Variants in DLG2 observed in about 807,000 individuals in gnomAD.
DLG2 encodes discs large MAGUK scaffold protein 2.
Under a neutral mutation model 132.5 loss-of-function variants are expected in DLG2, and 45 were observed. The observed-to-expected ratio is 0.34, with a 90% confidence interval of 0.27 to 0.44. The LOEUF (loss-of-function observed/expected upper bound fraction) is 0.44. Among genes scored for constraint, DLG2 ranks in the 20% least tolerant of loss-of-function variants. The pLI, the probability that DLG2 is intolerant of heterozygous loss-of-function variation, is 1.00. For synonymous variants in DLG2, 424 were observed against 419.6 expected, an observed-to-expected ratio of 1.01 and a Z score of -0.13; for missense variants, 1,045 against 1,196.9, an observed-to-expected ratio of 0.87 and a Z score of 1.87.
chr11:84,551,298 A>C (rs2099401330), intron 6 of DLG2, among the ~76,000 whole-genome samples: 1 of 152,220 alleles, frequency 6.6e-6, no homozygotes. Context: ...GAAATAATAA[A>C]AGCATATTTA....
At chr11:83,721,202 A>G (rs1322285195) in intron 18 of DLG2, among the ~76,000 whole-genome samples, 3 of 152,162 alleles carry the variant, frequency 2.0e-5, no homozygotes, top group African/African-American at 4.8e-5. Context: ...ACACTATAAG[A>G]CTGCAAACCA....
intron 4 of DLG2, among the ~76,000 whole-genome samples, chr11:85,253,008 G>GA (rs2076475246): frequency 6.6e-6 from 1 of 152,108 alleles, no homozygotes; most frequent in South Asian, 2.1e-4. Context: ...TAAAATCCCT[G>GA]AAAAATAGTC....
chr11:84,447,125 T>C (rs915732236), intron 7 of DLG2, among the ~76,000 whole-genome samples: 12 of 152,208 alleles, frequency 7.9e-5, no homozygotes, highest in Non-Finnish European at 1.8e-4. Flanking sequence ...CATATTATAA[T>C]AGTTAATTAG....
At chr11:84,871,859 G>A (rs2085517626) in intron 6 of DLG2, among the ~76,000 whole-genome samples, 1 of 152,052 alleles carries the variant, frequency 6.6e-6, no homozygotes, top group Non-Finnish European at 1.5e-5. Flanking sequence ...ATTTTTAGTA[G>A]AGACGGGGTT....
intron 9 of DLG2, among the ~76,000 whole-genome samples, chr11:84,160,070 T>C (rs538158989): frequency 5.3e-5 from 8 of 152,258 alleles, no homozygotes; most frequent in African/African-American, 1.9e-4. Context: ...AGATGCCAAC[T>C]GCACAGTTAG....
chr11:83,747,509 A>G (rs1352820896), intron 18 of DLG2, among the ~76,000 whole-genome samples: 4 of 151,948 alleles, frequency 2.6e-5, no homozygotes, highest in South Asian at 2.1e-4. Context: ...CTGGGACTAC[A>G]GGTGGACGCC....
intron 6 of DLG2, among the ~76,000 whole-genome samples, chr11:84,873,451 T>C (rs2085818383): frequency 6.6e-6 from 1 of 152,248 alleles, no homozygotes; most frequent in African/African-American, 2.4e-5. Context: ...ATAATAAGTT[T>C]GTGTTGTTTT....
chr11:83,697,412 A>C (rs2082126776), intron 18 of DLG2, among the ~76,000 whole-genome samples: 1 of 152,236 alleles, frequency 6.6e-6, no homozygotes, highest in Non-Finnish European at 1.5e-5. Context: ...ATACTAATTC[A>C]AACAAGGTTT....
intron 3 of DLG2, among the ~76,000 whole-genome samples, chr11:85,412,678 C>A (rs1419466041): frequency 1.3e-5 from 2 of 148,904 alleles, no homozygotes; most frequent in Admixed American, 1.4e-4. Context: ...TCATCCCAGT[C>A]TCTGTGAATG....
intron 6 of DLG2, among the ~76,000 whole-genome samples, chr11:84,937,770 C>T (rs1243977269): frequency 2.6e-5 from 4 of 152,150 alleles, no homozygotes; most frequent in African/African-American, 9.7e-5. Context: ...TTTGATAGGA[C>T]TTCAAAGATC....
At chr11:83,783,784 A>T (rs2094930694) in intron 18 of DLG2, among the ~76,000 whole-genome samples, 1 of 152,112 alleles carries the variant, frequency 6.6e-6, no homozygotes, top group South Asian at 2.1e-4. Flanking sequence ...CTCCATTTCC[A>T]CATTTCCATG....
At chr11:83,854,945 G>A (rs192927329) in intron 16 of DLG2, among the ~76,000 whole-genome samples, 1 of 151,970 alleles carries the variant, frequency 6.6e-6, no homozygotes, top group East Asian at 1.9e-4. Flanking sequence ...AATATACAAA[G>A]AACTCCTAAA....
intron 18 of DLG2, among the ~76,000 whole-genome samples, chr11:83,784,812 T>C (rs1223839190): frequency 6.6e-6 from 1 of 152,232 alleles, no homozygotes; most frequent in African/African-American, 2.4e-5. Flanking sequence ...TAATTGCTTA[T>C]CTATGATTCT....
chr11:84,463,199 C>T (rs924898591), intron 7 of DLG2, among the ~76,000 whole-genome samples: 13 of 151,154 alleles, frequency 8.6e-5, no homozygotes, highest in East Asian at 2.0e-4. Context: ...GTGCTTAATT[C>T]TTTTCTCTTA....
chr11:84,249,458 C>A (rs1366307537), intron 8 of DLG2, among the ~76,000 whole-genome samples: 1 of 152,176 alleles, frequency 6.6e-6, no homozygotes, highest in Non-Finnish European at 1.5e-5. Context: ...TACAGCCAAG[C>A]TATCTGGATT....
intron 7 of DLG2, among the ~76,000 whole-genome samples, chr11:84,446,873 G>A (rs1052627731): frequency 7.2e-5 from 11 of 151,872 alleles, no homozygotes; most frequent in African/African-American, 2.7e-4. Context: ...TACACCCCTG[G>A]GATACCATAG....
At chr11:84,623,715 TTTAA>T (rs1473179816) in intron 6 of DLG2, among the ~76,000 whole-genome samples, 1 of 152,320 alleles carries the variant, frequency 6.6e-6, no homozygotes, top group East Asian at 1.9e-4. Context: ...ACACATAGTA[TTTAA>T]TAAACAAATG....
intron 7 of DLG2, among the ~76,000 whole-genome samples, chr11:84,267,069 G>C (rs1177782412): frequency 6.6e-6 from 1 of 152,170 alleles, no homozygotes; most frequent in African/African-American, 2.4e-5. Context: ...TGACAGGCAT[G>C]AAGAAAGGCA....
chr11:84,636,947 ATT>A (rs372992040), intron 6 of DLG2, among the ~76,000 whole-genome samples: 38 of 146,434 alleles, frequency 2.6e-4, no homozygotes, highest in African/African-American at 8.5e-4. Context: ...ACACCTGCTA[ATT>A]TTTTTTTTTT....
Sources: allele counts gnomAD v4.1 joint callset (sites outside exome capture counted in the v4.1 genomes callset), GRCh38; gene constraint gnomAD v4.1.1; transcripts MANE v1.5; gene names NCBI Gene and HGNC (gene_info 2026-07-23, HGNC 2026-07-21).